SLCO4A1: variants seen among roughly 807,000 people sequenced by gnomAD.
The protein encoded by SLCO4A1 is colon organic anion transporter.
Under a neutral mutation model 64.6 loss-of-function variants are expected in SLCO4A1, and 51 were observed. The ratio of observed to expected loss-of-function variants is 0.79; its 90% confidence interval spans 0.63 to 1.00. The LOEUF (loss-of-function observed/expected upper bound fraction) is 1.00, where lower values mean the gene tolerates loss of function less well. Among genes scored for constraint, SLCO4A1 ranks in the 50% least tolerant of loss-of-function variants. The pLI, the probability that SLCO4A1 is intolerant of heterozygous loss-of-function variation, is 0.00. For synonymous variants in SLCO4A1, 471 were observed against 444.9 expected, an observed-to-expected ratio of 1.06 and a Z score of -0.74; for missense variants, 919 against 980.5, an observed-to-expected ratio of 0.94 and a Z score of 0.84.
At chr20:62,670,789 T>C (rs1189035867) in intron 11 of SLCO4A1, among the ~76,000 whole-genome samples, 1 of 152,194 alleles carries the variant, frequency 6.6e-6, no homozygotes, top group Non-Finnish European at 1.5e-5. Context: ...TCCATGTTAA[T>C]TGTAGCGGGG....
chr20:62,642,829 C>T (rs1980615719), intron 1 of SLCO4A1, among the ~76,000 whole-genome samples: 1 of 152,170 alleles, frequency 6.6e-6, no homozygotes, highest in South Asian at 2.1e-4. Context: ...CGAAGGGGCC[C>T]CACGCTGCAG....
chr20:62,671,002 C>T (rs550649194), intron 11 of SLCO4A1, among the ~76,000 whole-genome samples: 17 of 152,374 alleles, frequency 1.1e-4, no homozygotes, highest in South Asian at 4.1e-4. Context: ...CGGCAGCATC[C>T]GTGCTTGGAC....
chr20:62,652,421 C>G (rs979118921), intron 1 of SLCO4A1, among the ~76,000 whole-genome samples: 2 of 152,168 alleles, frequency 1.3e-5, no homozygotes, highest in East Asian at 1.9e-4. Flanking sequence ...CGGCGGCCGG[C>G]GGCCGGTGGA....
chr20:62,647,971 G>A (rs530001646), intron 1 of SLCO4A1, among the ~76,000 whole-genome samples: 18 of 152,370 alleles, frequency 1.2e-4, no homozygotes, highest in South Asian at 4.1e-4. Context: ...TGAGGAAATC[G>A]GAAGAGAACT....
At chr20:62,658,071 C>T (rs1984065942) in intron 2 of SLCO4A1, among the ~76,000 whole-genome samples, 1 of 152,176 alleles carries the variant, frequency 6.6e-6, no homozygotes, top group African/African-American at 2.4e-5. Flanking sequence ...TCTCGGCGTC[C>T]CCCTGCCTGG....
At chr20:62,655,733 G>C (rs1022492212) in intron 1 of SLCO4A1, among the ~76,000 whole-genome samples, 14 of 152,192 alleles carry the variant, frequency 9.2e-5, no homozygotes, top group African/African-American at 3.1e-4. Context: ...GGTGTTTCCG[G>C]TGCTGGGGGC....
rs757751332 is a variant in SLCO4A1 at position 62,660,479 on chromosome 20, G to A, written c.955G>A (p.Ala319Thr). 3.7e-6 allele frequency: 6 copies of A among 1,604,034 alleles called. No individual in the cohort carries two copies. In the South Asian group the frequency reaches 6.6e-5, roughly 18 times the overall value. The part of the protein sequence containing the change: ...AWWVGFLGSG[A>T]AAFFTAVPIL... The stretch of plus-strand genomic sequence containing the variant: ...GTGGGTCGGCTTCCTGGGCTCTGGG[G>A]CCGCTGCTTTCTTCACCGCCGTTCC... The change falls in exon 4 of 12, where the codon GCC becomes ACC. Residue 319 changes from alanine (A) to threonine (T), a missense_variant. By Grantham distance (58) the Ala-to-Thr change is moderately conservative. Transcript: ENST00000217159.
At chr20:62,668,778 A>G (rs1345616022) in intron 10 of SLCO4A1, 152 bp from the exon 11 acceptor site, 1 of 839,334 alleles carries the variant, frequency 1.2e-6, no homozygotes, top group Non-Finnish European at 1.8e-6. Flanking sequence ...GCCCAAAGAA[A>G]GGAACGTTTA....
chr20:62,656,614 A>G lies in SLCO4A1; in HGVS notation c.160A>G (p.Thr54Ala). The G allele has an allele frequency of 6.2e-7, 1 of 1,600,114 alleles. No homozygotes were observed. Among genetic ancestry groups the G allele is most frequent in the Admixed American group, 1.7e-5 (1 of 59,100 alleles). ...LRSAAHSPLD[T>A]SKQPLCQLWA... is the part of the protein sequence containing the mutation. Reference sequence around the variant, plus strand: ...CTCCGCTGCCCATAGCCCCCTGGACACCAGCAAGCAGCCCCTCTGCCAGCT... The same window carrying G: ...CTCCGCTGCCCATAGCCCCCTGGACGCCAGCAAGCAGCCCCTCTGCCAGCT... The change falls in exon 2 of 12, where the codon ACC (threonine) becomes GCC (alanine). Residue 54 changes from threonine to alanine, a missense_variant. Physicochemically the swap from Thr to Ala is moderately conservative, Grantham distance 58. Transcript: ENST00000217159.
intron 1 of SLCO4A1, among the ~76,000 whole-genome samples, chr20:62,648,016 A>G (rs1020374452): frequency 6.6e-6 from 1 of 152,234 alleles, no homozygotes; most frequent in Non-Finnish European, 1.5e-5. Flanking sequence ...AATAGCGGGC[A>G]CTGACCCATA....
At position 62,685,416 on chromosome 20, in the gene SLCO4A1, CTTTG is replaced by C. The variant is rs1228396873; in HGVS notation, n.212-18_212-15del. ...CCTGACCAAGCGGGCTGTTTTCTTG[CTTTG>C]TTTGTTGTTTTTTTCTTAAGGAAGA... On this transcript the variant is annotated intron_variant and non_coding_transcript_variant, in intron 2 of 2. Transcript: ENST00000466818. The surrounding 1 kb of genome is among the most constrained non-coding windows in gnomAD (Gnocchi z 4.6). The C allele has an allele frequency of 1.3e-5, 13 of 984,440 alleles. No homozygotes were observed. The highest frequency in any genetic ancestry group is 5.2e-4 in the Middle Eastern group (1 of 1,936). 61.0% of individuals were successfully genotyped at this position (984,440 alleles called of 1,614,324 possible). A position where few individuals can be genotyped will look rare whatever the true frequency, so the allele number is the denominator to read the frequency against.
rs151048137 is a variant in SLCO4A1, at chr20:62,663,137, C to T, written c.1122-1797C>T. 5.3e-3 allele frequency: 810 copies of T among 152,356 alleles called. 8 individuals are homozygous for T. The highest frequency in any genetic ancestry group is 0.019 in the African/African-American group (773 of 41,590). 9.4% of individuals were successfully genotyped at this position (152,356 alleles called of 1,614,324 possible). ...GAGCGAGCCAGCGAACACCTCCAAG[C>T]AGGCAGAGTGCCTGTGAGGCTGGAG... On this transcript the variant is annotated intron_variant, in intron 5 of 11. Transcript: ENST00000217159.
At chr20:62,690,712 A>T (rs1330813799), downstream of SLCO4A1, among the ~76,000 whole-genome samples, 1 of 152,230 alleles carries the variant, frequency 6.6e-6, no homozygotes, top group Non-Finnish European at 1.5e-5. Flanking sequence ...CCGCAATTCA[A>T]TAAACGCGCT....
intron 2 of SLCO4A1, among the ~76,000 whole-genome samples, chr20:62,680,057 G>A (rs1044589666): frequency 1.3e-5 from 2 of 152,166 alleles, no homozygotes; most frequent in African/African-American, 2.4e-5. Context: ...TTTCTAGATC[G>A]AGATTTGGGC....
At chr20:62,667,177 A>G (rs6011517) in intron 7 of SLCO4A1, among the ~76,000 whole-genome samples, 2,844 of 152,358 alleles carry the variant, frequency 0.019, 77 homozygotes, top group African/African-American at 0.064. Context: ...CCCTGCCCAC[A>G]AAGGAGTGGA....
At chr20:62,655,260 G>A (rs1384659052) in intron 1 of SLCO4A1, among the ~76,000 whole-genome samples, 2 of 144,600 alleles carry the variant, frequency 1.4e-5, no homozygotes, top group Non-Finnish European at 1.5e-5. Context: ...GGGTGGGGGC[G>A]GCACAGGTGT....
At position 62,656,430 on chromosome 20, in the gene SLCO4A1, G is replaced by A. The variant is rs1001514301; in HGVS notation, c.-25G>A. 49 of 1,453,670 alleles carry A rather than the reference G, an allele frequency of 3.4e-5. No homozygotes were observed. The highest frequency in any genetic ancestry group is 1.9e-4 in the Middle Eastern group (1 of 5,384). The allele number at this position is 1,453,670 out of a possible 1,614,324, so 90.0% of individuals were successfully genotyped here. On this transcript the variant is annotated 5_prime_UTR_variant, in exon 2 of 12. Coordinates refer to ENST00000217159, the MANE Select transcript of SLCO4A1 (RefSeq NM_016354.4). Reference sequence around the variant, plus strand: ...ACTCCCACTGCGTGGCTGAAGCCTCGAGGTCACCAGGCGGAGGCGCGGAGA... The same window carrying A: ...ACTCCCACTGCGTGGCTGAAGCCTCAAGGTCACCAGGCGGAGGCGCGGAGA...
chr20:62,686,992 G>GATGGGAAGGGCACCCCCAAACAGGCACA (rs1569159189), downstream of SLCO4A1, among the ~76,000 whole-genome samples: 2 of 135,362 alleles, frequency 1.5e-5, no homozygotes, highest in African/African-American at 3.0e-5. Context: ...AAACAGGCAC[G>GATGGGAAGGGCACCCCCAAACAGGCACA]ATGGGAAGGG....
At chr20:62,673,662 A>G (rs1041650640), downstream of SLCO4A1, among the ~76,000 whole-genome samples, 8 of 144,610 alleles carry the variant, frequency 5.5e-5, 1 homozygote, top group African/African-American at 2.0e-4. Flanking sequence ...GGAACCCCGC[A>G]TGGCCAGGAA....
Sources: allele counts gnomAD v4.1 joint callset (sites outside exome capture counted in the v4.1 genomes callset), GRCh38; gene constraint gnomAD v4.1.1; non-coding constraint Gnocchi (gnomAD v3.1); transcripts MANE v1.5; gene names NCBI Gene and HGNC (gene_info 2026-07-23, HGNC 2026-07-21).